PIWIL2: variants seen among roughly 807,000 people sequenced by gnomAD.
PIWIL2 encodes the protein piwi like RNA-mediated gene silencing 2, also known as piwi-like protein 2.
Under a neutral mutation model 116.5 loss-of-function variants are expected in PIWIL2, and 81 were observed. The ratio of observed to expected loss-of-function variants is 0.70; its 90% CI spans 0.58 to 0.84. PIWIL2 has a LOEUF of 0.84. Among genes scored for constraint, PIWIL2 ranks in the 40% least tolerant of loss-of-function variants. PIWIL2 has a pLI of 0.00. For missense variants in PIWIL2, 1,272 were observed against 1,212.3 expected (o/e 1.05, Z -0.73); for synonymous variants, 489 against 429.5 (o/e 1.14, Z -1.71).
chr8:22,350,935 G>C (rs1294841552), intron 20 of PIWIL2, among the ~76,000 whole-genome samples: 1 of 152,162 alleles, frequency 6.6e-6, no homozygotes, highest in Non-Finnish European at 1.5e-5. Context: ...GAGGTCAGGA[G>C]TTTGAGACCA....
In PIWIL2 at chr8:22,340,860, C is replaced by T. The variant is rs189651438; in HGVS notation, c.2404-12099C>T. 5.3e-4 allele frequency among the ~76,000 whole-genome samples: 80 copies of T among 152,190 alleles called. 1 individual carries two copies. The highest frequency in any genetic ancestry group is 1.8e-3 in the African/African-American group (74 of 41,542). On this transcript the variant is annotated intron_variant, in intron 20 of 22. Coordinates refer to ENST00000356766, the MANE Select transcript of PIWIL2 (RefSeq NM_018068.5). ...CCAAGTAGCTGGGTCTACAGGAATGCGCCACCATTTCTGGCTAATTTTTTA... is the reference window on the plus strand; with the variant it reads ...CCAAGTAGCTGGGTCTACAGGAATGTGCCACCATTTCTGGCTAATTTTTTA...
intron 14 of PIWIL2, among the ~76,000 whole-genome samples, chr8:22,308,953 G>A (rs2132039331): frequency 6.6e-6 from 1 of 151,290 alleles, no homozygotes; most frequent in South Asian, 2.1e-4. Context: ...GCTAGCCCTT[G>A]TTTATTTTCT....
In PIWIL2 at chr8:22,307,996, C is replaced by A; in HGVS notation, c.1609C>A (p.Gln537Lys). The change falls in exon 14 of 23, where the codon CAA (glutamine) becomes AAA (lysine). Residue 537 changes from glutamine to lysine, a missense_variant. By Grantham distance (53) the Gln-to-Lys change is moderately conservative (BLOSUM62 1). Coordinates refer to ENST00000356766, the MANE Select transcript of PIWIL2 (RefSeq NM_018068.5). ...QHHSALECLLQRIAKNEAATN... is the reference protein window; with the variant it reads ...QHHSALECLLKRIAKNEAATN... ...CCATAGTGCTTTGGAATGCTTGCTG[C>A]AAAGAATTGCAAAGAACGAGGCAGC... The A allele has an allele frequency of 6.2e-7, 1 of 1,613,596 alleles. No homozygotes were observed. The highest frequency in any genetic ancestry group is 8.5e-7 in the Non-Finnish European group (1 of 1,179,764).
intron 1 of PIWIL2, among the ~76,000 whole-genome samples, chr8:22,279,130 C>T (rs1274918632): frequency 6.6e-6 from 1 of 152,060 alleles, no homozygotes; most frequent in East Asian, 1.9e-4. Flanking sequence ...GTCTCTGGTG[C>T]CAAAAAGGTT....
At chr8:22,340,034 G>C (rs1832071235) in intron 20 of PIWIL2, among the ~76,000 whole-genome samples, 1 of 142,080 alleles carries the variant, frequency 7.0e-6, no homozygotes, top group African/African-American at 2.5e-5. Flanking sequence ...GAACCTAACT[G>C]TATAAAAAGA....
intron 6 of PIWIL2, among the ~76,000 whole-genome samples, chr8:22,285,789 G>A (rs1283495129): frequency 1.3e-5 from 2 of 152,032 alleles, no homozygotes; most frequent in African/African-American, 4.8e-5. Context: ...TTATAGGCAA[G>A]CGCCCCCATG....
chr8:22,290,899 A>G (rs1830745979), intron 10 of PIWIL2, among the ~76,000 whole-genome samples: 1 of 151,896 alleles, frequency 6.6e-6, no homozygotes, highest in South Asian at 2.1e-4. Flanking sequence ...TTGGTTTGAT[A>G]TATGCGCATG....
chr8:22,330,738 AAAT>A (rs1831840486), intron 20 of PIWIL2, among the ~76,000 whole-genome samples: 7 of 144,940 alleles, frequency 4.8e-5, no homozygotes, highest in Non-Finnish European at 8.9e-5. Flanking sequence ...ATAAATAAAT[AAAT>A]AAAAATAGTT....
At position 22,283,202 on chromosome 8, in the gene PIWIL2, A is replaced by G. The variant is rs776478282; in HGVS notation, c.594A>G (p.Pro198=). The change falls in exon 5 of 23, where the codon CCA becomes CCG. Residue 198 remains proline, a synonymous_variant. Coordinates refer to ENST00000356766, the MANE Select transcript of PIWIL2 (RefSeq NM_018068.5). ...TGCCCCAGTCTCCCCTGCACTCTCC[A>G]GATCGCCCTCTGGTCCTGACTGTGG... ...PALPQSPLHS[P]DRPLVLTVEH... 3 of 1,613,892 alleles carry G rather than the reference A, an allele frequency of 1.9e-6. No individual in the cohort carries two copies. The African/African-American group carries it at 4.0e-5, about 22-fold the overall frequency.
At chr8:22,306,925 AGAAT>A (rs1831196158) in intron 13 of PIWIL2, among the ~76,000 whole-genome samples, 1 of 152,224 alleles carries the variant, frequency 6.6e-6, no homozygotes, top group South Asian at 2.1e-4. Flanking sequence ...TCATCTCAGA[AGAAT>A]AAAGAAAGAA....
In PIWIL2 at chr8:22,288,579, C is replaced by T. The variant is rs753451320; in HGVS notation, c.899C>T (p.Ala300Val). 2 of 1,612,158 alleles carry T rather than the reference C, an allele frequency of 1.2e-6. No homozygotes were observed. Among genetic ancestry groups the T allele is most frequent in the Non-Finnish European group, 1.7e-6 (2 of 1,178,146 alleles). The part of the protein sequence containing the change: ...ELKSQRKTDS[A>V]EISIKIQMTK... ...AAAAGTCAAAGGAAAACAGACAGTG[C>T]TGAAATCAGCATTAAGATTCAGATG... The change falls in exon 8 of 23, where the codon GCT becomes GTT. Residue 300 changes from alanine to valine, a missense_variant. By Grantham distance (64) the Ala-to-Val change is moderately conservative. Transcript: ENST00000356766.
intron 13 of PIWIL2, among the ~76,000 whole-genome samples, chr8:22,307,069 A>G (rs142441228): frequency 2.0e-5 from 3 of 152,372 alleles, no homozygotes; most frequent in Non-Finnish European, 4.4e-5. Flanking sequence ...GGTAACATCA[A>G]ATGACTAGTA....
chr8:22,321,874 C>T, intron 20 of PIWIL2: 2 of 985,110 alleles, frequency 2.0e-6, no homozygotes, highest in Non-Finnish European at 2.4e-6. Flanking sequence ...GAAGTTCCAA[C>T]ACCTCCGAAC....
chr8:22,284,783 G>T (rs971308884), intron 6 of PIWIL2, among the ~76,000 whole-genome samples: 14 of 151,954 alleles, frequency 9.2e-5, no homozygotes, highest in African/African-American at 3.4e-4. Flanking sequence ...GAAGATAACT[G>T]CAGTTTTATA....
chr8:22,321,913 A>G (rs910649533), intron 20 of PIWIL2: 6 of 984,828 alleles, frequency 6.1e-6, no homozygotes, highest in Non-Finnish European at 7.2e-6. Context: ...TTTCAGCCCC[A>G]TTTTGCATCA....
At chr8:22,303,121 G>A (rs982120904) in intron 10 of PIWIL2, among the ~76,000 whole-genome samples, 5 of 152,194 alleles carry the variant, frequency 3.3e-5, no homozygotes, top group African/African-American at 1.2e-4. Context: ...AGGGAAGGAG[G>A]GGGAGTGTGA....
intron 4 of PIWIL2, 72 bp downstream of exon 4, chr8:22,281,587 C>G: frequency 1.6e-6 from 2 of 1,257,888 alleles, no homozygotes; most frequent in Admixed American, 2.7e-5. Context: ...GAGAGCAACT[C>G]TAAGAAGAGT....
At chr8:22,310,737 A>T (rs1831308531) in intron 15 of PIWIL2, among the ~76,000 whole-genome samples, 1 of 152,084 alleles carries the variant, frequency 6.6e-6, no homozygotes, top group South Asian at 2.1e-4. Context: ...TACCCCTCAC[A>T]CACCCAGTAT....
intron 20 of PIWIL2, among the ~76,000 whole-genome samples, chr8:22,341,940 G>T (rs574173726): frequency 6.7e-6 from 1 of 149,812 alleles, no homozygotes; most frequent in African/African-American, 2.5e-5. Context: ...GAATTGCAAG[G>T]TTGTAGGATA....
Sources: gnomAD v4.1 joint callset for allele counts (sites outside exome capture counted in the v4.1 genomes callset) on GRCh38, gnomAD v4.1.1 for gene constraint, MANE v1.5 for transcripts, NCBI Gene and HGNC (gene_info 2026-07-23, HGNC 2026-07-21) for gene names.